Variants in PKNOX2 observed in about 807,000 individuals in gnomAD.
PKNOX2 encodes homeobox protein PKNOX2.
A neutral mutation model predicts 53.1 loss-of-function variants in PKNOX2; 14 were observed. The observed-to-expected ratio is 0.26, with a 90% CI of 0.17 to 0.41. PKNOX2 has a LOEUF of 0.41. Ranked by LOEUF, PKNOX2 falls within the 10% of genes least tolerant of loss-of-function variation. PKNOX2 has a pLI of 1.00. For missense variants in PKNOX2, 496 were observed against 602.8 expected, an observed-to-expected ratio of 0.82 and a Z score of 1.85; for synonymous variants, 257 against 242.8, an observed-to-expected ratio of 1.06 and a Z score of -0.54.
chr11:125,411,508 C>CTCTCTCTG (rs1955537018), intron 9 of PKNOX2: 1 of 443,778 alleles, frequency 2.3e-6, no homozygotes, highest in Admixed American at 3.1e-5. Context: ...CTCTCTCTCT[C>CTCTCTCTG]TCCCCCCCTT....
intron 2 of PKNOX2, among the ~76,000 whole-genome samples, chr11:125,308,672 G>T (rs181566750): frequency 5.8e-5 from 8 of 137,088 alleles, no homozygotes; most frequent in Non-Finnish European, 1.1e-4. Flanking sequence ...GGGCCGTGGA[G>T]GTCACCTGGT....
At chr11:125,170,225 A>C (rs1044355893) in intron 1 of PKNOX2, among the ~76,000 whole-genome samples, 4 of 152,196 alleles carry the variant, frequency 2.6e-5, no homozygotes, top group Non-Finnish European at 5.9e-5. Context: ...GTGCGCTCGT[A>C]GACTCCTTCT....
intron 1 of PKNOX2, chr11:125,190,188 T>G (rs1386176322): frequency 6.6e-6 from 1 of 152,250 alleles, no homozygotes; most frequent in Non-Finnish European, 1.5e-5. Flanking sequence ...TTTCCCAAAC[T>G]GCTGGGATTA....
chr11:125,278,393 G>A (rs1946325089), intron 2 of PKNOX2, among the ~76,000 whole-genome samples: 1 of 151,954 alleles, frequency 6.6e-6, no homozygotes, highest in African/African-American at 2.4e-5. Flanking sequence ...GAAGGAGCCA[G>A]TCAGAGAGAC....
intron 2 of PKNOX2, among the ~76,000 whole-genome samples, chr11:125,236,150 G>A (rs1358094516): frequency 2.0e-5 from 3 of 152,326 alleles, no homozygotes; most frequent in Admixed American, 6.5e-5. Flanking sequence ...AAGAATGGCC[G>A]CCCTGCGATC....
At chr11:125,338,030 A>C (rs551869219) in intron 3 of PKNOX2, among the ~76,000 whole-genome samples, 2 of 152,222 alleles carry the variant, frequency 1.3e-5, no homozygotes, top group African/African-American at 4.8e-5. Flanking sequence ...AGTGAAGAAA[A>C]GGCTGAGGCT....
At chr11:125,371,487 C>T (rs754578659) in intron 5 of PKNOX2, among the ~76,000 whole-genome samples, 2 of 152,128 alleles carry the variant, frequency 1.3e-5, no homozygotes, top group Non-Finnish European at 2.9e-5. Context: ...AGGTTGCCAG[C>T]GGCGCAGAGG....
intron 2 of PKNOX2, among the ~76,000 whole-genome samples, chr11:125,263,429 C>T (rs1482828303): frequency 6.6e-6 from 1 of 152,242 alleles, no homozygotes; most frequent in Non-Finnish European, 1.5e-5. Context: ...GGCTCCAGCC[C>T]CCACTCCCGC....
chr11:125,271,551 A>G (rs1296343081), intron 2 of PKNOX2, among the ~76,000 whole-genome samples: 1 of 152,188 alleles, frequency 6.6e-6, no homozygotes, highest in Non-Finnish European at 1.5e-5. Flanking sequence ...AGTATTTGCC[A>G]TGCTGGCACT....
intron 2 of PKNOX2, among the ~76,000 whole-genome samples, chr11:125,265,232 G>T (rs997481809): frequency 6.6e-6 from 1 of 151,694 alleles, no homozygotes; most frequent in Non-Finnish European, 1.5e-5. Context: ...GCTTGCAGTG[G>T]GCCGAGATCG....
intron 7 of PKNOX2, among the ~76,000 whole-genome samples, chr11:125,401,764 T>TGA (rs144197684): frequency 0.024 from 3,408 of 140,228 alleles, 56 homozygotes; most frequent in Non-Finnish European, 0.029. Context: ...AAGGAGCTTG[T>TGA]GAGTGTGTGT....
At chr11:125,341,830 G>A (rs1289463063) in intron 3 of PKNOX2, among the ~76,000 whole-genome samples, 7 of 152,256 alleles carry the variant, frequency 4.6e-5, no homozygotes, top group African/African-American at 1.2e-4. Context: ...GTGTGGCCGC[G>A]CCACGTCCTC....
chr11:125,346,216 C>T (rs1456564106), intron 3 of PKNOX2, among the ~76,000 whole-genome samples: 3 of 152,052 alleles, frequency 2.0e-5, no homozygotes, highest in Non-Finnish European at 4.4e-5. Flanking sequence ...CTGGGGGCGT[C>T]TGGGCTGAAG....
intron 3 of PKNOX2, among the ~76,000 whole-genome samples, chr11:125,335,405 G>A (rs531065624): frequency 9.7e-4 from 147 of 152,288 alleles, no homozygotes; most frequent in Non-Finnish European, 2.0e-3. Context: ...CCCCACATGT[G>A]TTCCTTCTCT....
chr11:125,275,119 A>G (rs1046181588), intron 2 of PKNOX2, among the ~76,000 whole-genome samples: 1 of 152,228 alleles, frequency 6.6e-6, no homozygotes, highest in African/African-American at 2.4e-5. Flanking sequence ...GGAAGCAACC[A>G]TGGAAATAAG....
chr11:125,227,277 T>C (rs975823289), intron 1 of PKNOX2, among the ~76,000 whole-genome samples: 9 of 152,168 alleles, frequency 5.9e-5, no homozygotes, highest in Admixed American at 2.6e-4. Flanking sequence ...ACATTAAGTA[T>C]ATTCGCATTG....
chr11:125,385,199 T>C (rs1174705009), intron 5 of PKNOX2, among the ~76,000 whole-genome samples: 1 of 152,162 alleles, frequency 6.6e-6, no homozygotes, highest in East Asian at 1.9e-4. Context: ...TCCCCACATT[T>C]CCTTCCTAGG....
chr11:125,184,563 G>A (rs1956339933), intron 1 of PKNOX2, among the ~76,000 whole-genome samples: 1 of 152,202 alleles, frequency 6.6e-6, no homozygotes, highest in African/African-American at 2.4e-5. Flanking sequence ...GTGTGGTGGG[G>A]CATTGAGCCC....
chr11:125,258,821 A>G (rs1484316886), intron 2 of PKNOX2: 1 of 323,706 alleles, frequency 3.1e-6, no homozygotes, highest in Non-Finnish European at 6.3e-6. Context: ...TCTTTAACCC[A>G]AACCAGAAGT....
Sources: allele counts gnomAD v4.1 joint callset (sites outside exome capture counted in the v4.1 genomes callset), GRCh38; gene constraint gnomAD v4.1.1; transcripts MANE v1.5; gene names NCBI Gene and HGNC (gene_info 2026-07-23, HGNC 2026-07-21).